TMEM170B: variants seen among roughly 807,000 people sequenced by gnomAD.
TMEM170B encodes the protein transmembrane protein 170B.
TMEM170B carries 6 observed loss-of-function variants against 13.0 expected under a neutral mutation model. The observed-to-expected ratio is 0.46, with a 90% CI of 0.25 to 0.91. TMEM170B has a LOEUF of 0.91. Among genes scored for constraint, TMEM170B ranks in the 40% least tolerant of loss-of-function variants. The pLI, the probability that TMEM170B is intolerant of heterozygous loss-of-function variation, is 0.17. For synonymous variants in TMEM170B, 61 were observed against 64.9 expected, an observed-to-expected ratio of 0.94 and a Z score of 0.29; for missense variants, 138 against 165.2, an observed-to-expected ratio of 0.84 and a Z score of 0.90.
chr6:11,538,724 C>T (rs1759319039), intron 1 of TMEM170B, among the ~76,000 whole-genome samples: 1 of 152,270 alleles, frequency 6.6e-6, no homozygotes, highest in Non-Finnish European at 1.5e-5. Context: ...TCCTCCCCTC[C>T]CCCTTCTACA....
intron 1 of TMEM170B, among the ~76,000 whole-genome samples, chr6:11,547,385 G>A (rs138096433): frequency 6.6e-6 from 1 of 152,204 alleles, no homozygotes; most frequent in Non-Finnish European, 1.5e-5. Flanking sequence ...CTTCCTAAAT[G>A]CTGTATTATA....
Position 11,581,384 on chromosome 6 carries a change from G to A in TMEM170B, c.*5823G>A, listed in dbSNP as rs183056978. The A allele has an allele frequency of 3.8e-4, 58 of 152,286 alleles. No individual in the cohort carries two copies. The highest frequency in any genetic ancestry group is 1.4e-3 in the African/African-American group (57 of 41,550). The allele number at this position is 152,286 out of a possible 1,614,324, so 9.4% of individuals were successfully genotyped here. A position where few individuals can be genotyped will look rare whatever the true frequency, so the allele number is the denominator to read the frequency against. On this transcript the variant is annotated 3_prime_UTR_variant, in exon 3 of 3. Transcript: ENST00000379426. ...TACTCTTAACCCCTACAGTTATGCA[G>A]CTCTAATCTTACTGAAAAGTAAATA...
At position 11,577,995 on chromosome 6, in the gene TMEM170B, A is replaced by G. The variant is rs1228374919; in HGVS notation, c.*2434A>G. The G allele has an allele frequency of 6.6e-6, 1 of 152,132 alleles. No homozygotes were observed. Among genetic ancestry groups the G allele is most frequent in the Non-Finnish European group, 1.5e-5 (1 of 67,982 alleles). 9.4% of individuals were successfully genotyped at this position (152,132 alleles called of 1,614,324 possible). A position where few individuals can be genotyped will look rare whatever the true frequency, so the allele number is the denominator to read the frequency against. ...TTTAAAAAGTTAGTAGCTTTCCTAT[A>G]GACACAAGAAATGTTTAATGATATA... On this transcript the variant is annotated 3_prime_UTR_variant, in exon 3 of 3. Transcript: ENST00000379426.
At position 11,578,562 on chromosome 6, in the gene TMEM170B, C is replaced by A. The variant is rs1759909378; in HGVS notation, c.*3001C>A. Reference sequence around the variant, plus strand: ...GAAGGAGAACCAGCAGTCTTCCGAACCATGGGACAGTTCCAAGGTAATAGC... The same window carrying A: ...GAAGGAGAACCAGCAGTCTTCCGAAACATGGGACAGTTCCAAGGTAATAGC... On this transcript the variant is annotated 3_prime_UTR_variant, in exon 3 of 3. Transcript: ENST00000379426. 6.6e-6 allele frequency: 1 copy of A among 152,058 alleles called. No homozygotes were observed. Among genetic ancestry groups the A allele is most frequent in the Non-Finnish European group, 1.5e-5 (1 of 68,000 alleles). The allele number at this position is 152,058 out of a possible 1,614,324, so 9.4% of individuals were successfully genotyped here. A position where few individuals can be genotyped will look rare whatever the true frequency, so the allele number is the denominator to read the frequency against.
intron 1 of TMEM170B, among the ~76,000 whole-genome samples, chr6:11,550,027 G>A (rs549525352): frequency 3.3e-5 from 5 of 152,024 alleles, no homozygotes; most frequent in Admixed American, 1.3e-4. Context: ...AAATAAAGAC[G>A]GGGTCTCGCT....
intron 1 of TMEM170B, among the ~76,000 whole-genome samples, chr6:11,563,941 G>T (rs1276506997): frequency 6.6e-6 from 1 of 152,176 alleles, no homozygotes; most frequent in African/African-American, 2.4e-5. Flanking sequence ...CTGCACTCCA[G>T]CCTGGGTGAT....
intron 1 of TMEM170B, 117 bp downstream of exon 1, chr6:11,538,491 G>A: frequency 2.6e-6 from 2 of 764,068 alleles, no homozygotes; most frequent in Non-Finnish European, 4.0e-6. Context: ...CCCGCTCGGA[G>A]CTCCAGGTCC....
At chr6:11,551,006 T>C (rs1759517119) in intron 1 of TMEM170B, among the ~76,000 whole-genome samples, 1 of 152,234 alleles carries the variant, frequency 6.6e-6, no homozygotes, top group Non-Finnish European at 1.5e-5. Flanking sequence ...ACATTTATTT[T>C]CTCATACAGT....
intron 2 of TMEM170B, among the ~76,000 whole-genome samples, chr6:11,567,129 C>A (rs766124961): frequency 6.6e-6 from 1 of 152,204 alleles, no homozygotes; most frequent in Non-Finnish European, 1.5e-5. Context: ...CTGCCCCACT[C>A]CTGACAACCT....
At chr6:11,574,537 T>C (rs1759849499) in intron 2 of TMEM170B, among the ~76,000 whole-genome samples, 1 of 152,212 alleles carries the variant, frequency 6.6e-6, no homozygotes, top group Admixed American at 6.5e-5. Flanking sequence ...TGTTCTTTTA[T>C]CTAACCATTT....
At chr6:11,572,445 T>G (rs754439767) in intron 2 of TMEM170B, among the ~76,000 whole-genome samples, 2 of 152,202 alleles carry the variant, frequency 1.3e-5, no homozygotes, top group Non-Finnish European at 2.9e-5. Context: ...AACTTTTTCA[T>G]TGTATACCAA....
intron 1 of TMEM170B, among the ~76,000 whole-genome samples, chr6:11,539,506 A>G (rs1232024395): frequency 6.6e-6 from 1 of 152,200 alleles, no homozygotes. Flanking sequence ...AGAAAATTTT[A>G]TGGAATTATA....
intron 1 of TMEM170B, among the ~76,000 whole-genome samples, chr6:11,559,937 A>T (rs1256666102): frequency 6.6e-6 from 1 of 151,764 alleles, no homozygotes; most frequent in African/African-American, 2.4e-5. Flanking sequence ...TTTAATAGAG[A>T]GGTTGGGTTC....
At chr6:11,558,820 C>T (rs1357520402) in intron 1 of TMEM170B, among the ~76,000 whole-genome samples, 1 of 152,186 alleles carries the variant, frequency 6.6e-6, no homozygotes, top group African/African-American at 2.4e-5. Flanking sequence ...ATTGAAATGT[C>T]ATTAATTGAA....
intron 1 of TMEM170B, among the ~76,000 whole-genome samples, chr6:11,557,505 T>TA (rs1185797866): frequency 4.0e-5 from 6 of 151,586 alleles, no homozygotes; most frequent in Admixed American, 2.0e-4. Flanking sequence ...CCCCAGAAAT[T>TA]AAAAAAAAGG....
chr6:11,558,764 C>T (rs989407495), intron 1 of TMEM170B, among the ~76,000 whole-genome samples: 7 of 152,148 alleles, frequency 4.6e-5, no homozygotes, highest in Admixed American at 1.3e-4. Flanking sequence ...CATAGCATCA[C>T]GTACATACTG....
Position 11,565,785 on chromosome 6 carries a change from A to G in TMEM170B, c.217A>G (p.Ile73Val). The G allele has an allele frequency of 6.2e-7, 1 of 1,614,134 alleles. No homozygotes were observed. The highest frequency in any genetic ancestry group is 8.5e-7 in the Non-Finnish European group (1 of 1,180,004). ...TAGGCAGGGAAGAGTCATCTCTGTC[A>G]TTGCAGTCAGCATTGGATTTCTGGC... ...RHRQGRVISV[I>V]AVSIGFLASV... Residue 73 changes from isoleucine (I) to valine (V), a missense_variant, in exon 2 of 3, where the codon ATT becomes GTT. Ile to Val is a conservative substitution (Grantham distance 29). Coordinates refer to ENST00000379426, the MANE Select transcript of TMEM170B (RefSeq NM_001100829.3).
chr6:11,556,238 T>C (rs1390825897), intron 1 of TMEM170B, among the ~76,000 whole-genome samples: 1 of 152,188 alleles, frequency 6.6e-6, no homozygotes, highest in African/African-American at 2.4e-5. Context: ...GTTAGACCAA[T>C]AGTGAGAATT....
At chr6:11,574,993 ATATT>A (rs550453595) in intron 2 of TMEM170B, among the ~76,000 whole-genome samples, 204 of 152,130 alleles carry the variant, frequency 1.3e-3, no homozygotes, top group African/African-American at 4.6e-3. Context: ...TAATATTAAA[ATATT>A]TATTAATAAT....
Sources: gnomAD v4.1 joint callset for allele counts (sites outside exome capture counted in the v4.1 genomes callset) on GRCh38, gnomAD v4.1.1 for gene constraint, MANE v1.5 for transcripts, NCBI Gene and HGNC (gene_info 2026-07-23, HGNC 2026-07-21) for gene names.